Variants in CHAF1B observed in about 807,000 individuals in gnomAD.
CHAF1B encodes the protein chromatin assembly factor 1 subunit B.
Under a neutral mutation model 60.7 loss-of-function variants are expected in CHAF1B, and 10 were observed. The ratio of observed to expected loss-of-function variants is 0.16; its 90% CI spans 0.10 to 0.28. CHAF1B has a LOEUF of 0.28. Ranked by LOEUF, CHAF1B falls within the 10% of genes least tolerant of loss-of-function variation. CHAF1B has a pLI of 1.00. For synonymous variants in CHAF1B, 261 were observed against 266.1 expected (o/e 0.98, Z 0.19); for missense variants, 558 against 708.4 (o/e 0.79, Z 2.41).
At chr21:36,387,280 T>C (rs983762234) in intron 2 of CHAF1B, among the ~76,000 whole-genome samples, 1 of 149,434 alleles carries the variant, frequency 6.7e-6, no homozygotes, top group Non-Finnish European at 1.5e-5. Context: ...TGGAGTGCAG[T>C]GGCCTGATCT....
chr21:36,396,816 G>T (rs201145989), intron 5 of CHAF1B, among the ~76,000 whole-genome samples: 3 of 151,852 alleles, frequency 2.0e-5, no homozygotes, highest in Non-Finnish European at 1.5e-5. Flanking sequence ...TGGTCTACTC[G>T]GTCACCTCCT....
intron 6 of CHAF1B, among the ~76,000 whole-genome samples, chr21:36,399,177 G>A (rs2086166239): frequency 6.6e-6 from 1 of 151,850 alleles, no homozygotes; most frequent in African/African-American, 2.4e-5. Context: ...AGGGATTACA[G>A]GCGCCCACCA....
At chr21:36,392,465 G>A (rs1211122871) in intron 4 of CHAF1B, among the ~76,000 whole-genome samples, 3 of 152,142 alleles carry the variant, frequency 2.0e-5, no homozygotes, top group African/African-American at 4.8e-5. Flanking sequence ...GGTGGCGGCC[G>A]GGTAGAGGGG....
At chr21:36,385,490 T>C (rs967551473) in intron 1 of CHAF1B, 39 bp downstream of exon 1, 3 of 151,848 alleles carry the variant, frequency 2.0e-5, no homozygotes, top group Non-Finnish European at 2.9e-5. Context: ...GCGGCTCTTT[T>C]GGTCGCGTCG....
At position 36,418,690 on chromosome 21, in the gene CHAF1B, A is replaced by T. The variant is rs1314413352; in HGVS notation, c.*2324A>T. On this transcript the variant is annotated 3_prime_UTR_variant, in exon 14 of 14. Coordinates refer to ENST00000314103, the MANE Select transcript of CHAF1B (RefSeq NM_005441.3). ...ATGGTGGAACCCCATCTCTACTAAA[A>T]ATACAAAAACTAGCCAGGCGCGGTG... 1 of 151,918 alleles carries T rather than the reference A, an allele frequency of 6.6e-6. No homozygotes were observed. Among genetic ancestry groups the T allele is most frequent in the Non-Finnish European group, 1.5e-5 (1 of 68,014 alleles). The allele number at this position is 151,918 out of a possible 1,614,324, so 9.4% of individuals were successfully genotyped here. A position where few individuals can be genotyped will look rare whatever the true frequency, so the allele number is the denominator to read the frequency against.
rs1219127787 is a variant in CHAF1B, at chr21:36,417,982, G to T, written c.*1616G>T. 1 of 151,894 alleles carries T rather than the reference G, an allele frequency of 6.6e-6. No homozygotes were observed. The highest frequency in any genetic ancestry group is 1.5e-5 in the Non-Finnish European group (1 of 67,986). The allele number at this position is 151,894 out of a possible 1,614,324, so 9.4% of individuals were successfully genotyped here. On this transcript the variant is annotated 3_prime_UTR_variant, in exon 14 of 14. Coordinates refer to ENST00000314103, the MANE Select transcript of CHAF1B (RefSeq NM_005441.3). ...AAGGGAAAAAACTTTCCCTGGATAC[G>T]GTCTGTTCTGGTTAAATGCATTTCC...
At chr21:36,408,445 G>A (rs140785998) in intron 8 of CHAF1B, among the ~76,000 whole-genome samples, 130 of 152,302 alleles carry the variant, frequency 8.5e-4, no homozygotes, top group Non-Finnish European at 5.9e-4. Context: ...TGCTTCAATC[G>A]AGGAATTGCC....
At position 36,412,899 on chromosome 21, in the gene CHAF1B, C is replaced by T. The variant is rs1183016668; in HGVS notation, c.1077C>T (p.Ala359=). Residue 359 remains alanine (A), a synonymous_variant, in exon 12 of 14, where the codon GCC becomes GCT. Coordinates refer to ENST00000314103, the MANE Select transcript of CHAF1B (RefSeq NM_005441.3). ...LSDISWSSDG[A]FLAISSTDGY... The stretch of plus-strand genomic sequence containing the variant: ...GGGGACGAAGGTCCAGCGATGGTGC[C>T]TTCCTGGCCATTTCTTCCACGGACG... 2 of 1,613,642 alleles carry T rather than the reference C, an allele frequency of 1.2e-6. No individual in the cohort carries two copies. The highest frequency in any genetic ancestry group is 1.7e-6 in the Non-Finnish European group (2 of 1,179,746).
chr21:36,387,224 G>T (rs56281312), intron 2 of CHAF1B, among the ~76,000 whole-genome samples: 16,980 of 130,992 alleles, frequency 0.13, 1,645 homozygotes, highest in African/African-American at 0.29. Flanking sequence ...GCATAGTTTT[G>T]TTTTTTTTTT....
intron 1 of CHAF1B, among the ~76,000 whole-genome samples, chr21:36,385,725 C>A (rs895807621): frequency 1.7e-4 from 26 of 152,012 alleles, no homozygotes; most frequent in African/African-American, 5.3e-4. Context: ...CCCCCTCTTC[C>A]GGGAGGCTCC....
At chr21:36,400,791 C>T (rs1249480632) in intron 7 of CHAF1B, among the ~76,000 whole-genome samples, 1 of 152,158 alleles carries the variant, frequency 6.6e-6, no homozygotes, top group Non-Finnish European at 1.5e-5. Context: ...AAATAATTGG[C>T]AAATGAAAAT....
At chr21:36,413,822 T>G (rs1375486812) in intron 12 of CHAF1B, among the ~76,000 whole-genome samples, 2 of 152,194 alleles carry the variant, frequency 1.3e-5, no homozygotes, top group Non-Finnish European at 2.9e-5. Flanking sequence ...TCAGATTCCA[T>G]AGCAGGTGCT....
intron 4 of CHAF1B, among the ~76,000 whole-genome samples, 177 bp downstream of exon 4, chr21:36,391,845 C>T (rs1313339773): frequency 6.6e-6 from 1 of 150,606 alleles, no homozygotes; most frequent in Non-Finnish European, 1.5e-5. Flanking sequence ...CTCAAGTGAT[C>T]CTCTCACCTC....
At chr21:36,388,119 G>A (rs1431146233) in intron 3 of CHAF1B, among the ~76,000 whole-genome samples, 1 of 152,062 alleles carries the variant, frequency 6.6e-6, no homozygotes, top group African/African-American at 2.4e-5. Context: ...CACTGCGCCC[G>A]GCCTGGATAT....
chr21:36,388,151 TG>T (rs2086050777), intron 3 of CHAF1B, among the ~76,000 whole-genome samples: 1 of 152,048 alleles, frequency 6.6e-6, no homozygotes, highest in South Asian at 2.1e-4. Context: ...CAGGTGTGGC[TG>T]ACCCTCTCAA....
chr21:36,400,891 G>A (rs1410973276), intron 7 of CHAF1B, among the ~76,000 whole-genome samples: 1 of 152,164 alleles, frequency 6.6e-6, no homozygotes, highest in Non-Finnish European at 1.5e-5. Context: ...CGGGGACATG[G>A]TGCAAATGCA....
At chr21:36,400,544 A>G (rs1354706976) in intron 7 of CHAF1B, among the ~76,000 whole-genome samples, 4 of 152,144 alleles carry the variant, frequency 2.6e-5, no homozygotes, top group Admixed American at 6.5e-5. Context: ...GAGTGGCGTG[A>G]TTCACTTGGC....
rs1369980722 is a variant in CHAF1B at position 36,386,556 on chromosome 21, CCACTG to C, written c.126+299_126+303del. ...GAGTTTGAAGCAAGCAACGATCACT[CCACTG>C]CACTCCAGCCTGGGTGACAGAGCCA... On this transcript the variant is annotated intron_variant, in intron 2 of 13. Transcript: ENST00000314103. Among the ~76,000 whole-genome samples the C allele has an allele frequency of 2.6e-5, 4 of 152,140 alleles. No homozygotes were observed. The South Asian group carries it at 6.2e-4, about 24-fold the overall frequency.
chr21:36,411,940 G>A (rs557749963), intron 11 of CHAF1B, among the ~76,000 whole-genome samples: 2 of 152,196 alleles, frequency 1.3e-5, no homozygotes, highest in East Asian at 1.9e-4. Flanking sequence ...TGTTGGCCAG[G>A]CTGGTATCAA....
Sources: gnomAD v4.1 joint callset for allele counts (sites outside exome capture counted in the v4.1 genomes callset) on GRCh38, gnomAD v4.1.1 for gene constraint, MANE v1.5 for transcripts, NCBI Gene and HGNC (gene_info 2026-07-23, HGNC 2026-07-21) for gene names.